The following MYO18A variants were observed in gnomAD, a reference collection of about 807,000 sequenced individuals.
MYO18A encodes the protein myosin XVIIIA.
In MYO18A, 78 loss-of-function variants were observed where a neutral mutation model predicts 235.8. That is an observed-to-expected ratio of 0.33 (90% CI 0.28 to 0.40). The LOEUF (loss-of-function observed/expected upper bound fraction) is 0.40, where lower values mean the gene tolerates loss of function less well. Among genes scored for constraint, MYO18A ranks in the 10% least tolerant of loss-of-function variants. The pLI, the probability that MYO18A is intolerant of heterozygous loss-of-function variation, is 1.00. For synonymous variants in MYO18A, 977 were observed against 1,077.8 expected, an observed-to-expected ratio of 0.91 and a Z score of 1.83; for missense variants, 2,215 against 2,699.3, an observed-to-expected ratio of 0.82 and a Z score of 3.98.
Position 29,128,634 on chromosome 17 carries a change from G to A in MYO18A, c.1000-6381C>T, listed in dbSNP as rs562850110. 21 of 992,464 alleles carry A rather than the reference G, an allele frequency of 2.1e-5. No homozygotes were observed. The East Asian group carries it at 4.0e-4, about 19-fold the overall frequency. The allele number at this position is 992,464 out of a possible 1,614,324, so 61.5% of individuals were successfully genotyped here. A position where few individuals can be genotyped will look rare whatever the true frequency, so the allele number is the denominator to read the frequency against. ...AGGGAATAAGAAGGTGTGACCTCACGCCCTGGAACAGATCTCCCATTCATC... is the reference window on the plus strand; with the variant it reads ...AGGGAATAAGAAGGTGTGACCTCACACCCTGGAACAGATCTCCCATTCATC... On this transcript the variant is annotated intron_variant, in intron 2 of 41. Transcript: ENST00000527372.
At chr17:29,154,138 G>C (rs552734666) in intron 2 of MYO18A, among the ~76,000 whole-genome samples, 1 of 151,686 alleles carries the variant, frequency 6.6e-6, no homozygotes, top group South Asian at 2.1e-4. Context: ...GCGTGCGTGT[G>C]TATGTGGCGC....
Position 29,096,852 on chromosome 17 carries a change from A to G in MYO18A, c.4294T>C (p.Cys1432Arg), listed in dbSNP as rs1226196367. 3 of 1,589,550 alleles carry G rather than the reference A, an allele frequency of 1.9e-6. No homozygotes were observed. The highest frequency in any genetic ancestry group is 1.3e-5 in the African/African-American group (1 of 74,374). Reference sequence around the variant, plus strand: ...TGCAGCTCAGCCGTCAGTCGCTGGCACTTCTTCTTGAGCTGCTGCAGAGCC... The same window carrying G: ...TGCAGCTCAGCCGTCAGTCGCTGGCGCTTCTTCTTGAGCTGCTGCAGAGCC... ...QRALQQLKKKCQRLTAELQDT... is the reference protein window; with the variant it reads ...QRALQQLKKKRQRLTAELQDT... The change falls in exon 28 of 42, where the codon TGC becomes CGC. Residue 1432 changes from cysteine (C) to arginine (R), a missense_variant. Physicochemically the swap from Cys to Arg is radical, Grantham distance 180. Transcript: ENST00000527372.
At position 29,098,978 on chromosome 17, in the gene MYO18A, G is replaced by A. The variant is rs1467604720; in HGVS notation, c.3637-9C>T. ...ATGGCCAGGTCCTGGATCTGCAGGT[G>A]GGGTGGGGGTGGTGCACAGCGGGGC... On this transcript the variant is annotated splice_polypyrimidine_tract_variant and intron_variant, in intron 22 of 41. Transcript: ENST00000527372. The A allele has an allele frequency of 6.2e-7, 1 of 1,612,600 alleles. No homozygotes were observed. Among genetic ancestry groups the A allele is most frequent in the East Asian group, 2.2e-5 (1 of 44,876 alleles).
chr17:29,152,568 G>A (rs1273693346), intron 2 of MYO18A, among the ~76,000 whole-genome samples: 3 of 152,066 alleles, frequency 2.0e-5, no homozygotes, highest in Non-Finnish European at 1.5e-5. Context: ...ATCAGCGTGG[G>A]GACAAGAATA....
At chr17:29,141,455 T>G (rs369669525) in intron 2 of MYO18A, among the ~76,000 whole-genome samples, 38 of 142,756 alleles carry the variant, frequency 2.7e-4, no homozygotes, top group Non-Finnish European at 2.9e-4. Flanking sequence ...AAAAATGGGG[T>G]GGGGGTGGTG....
rs762136557 is a variant in MYO18A at position 29,121,898 on chromosome 17, C to G, written c.1147G>C (p.Asp383His). Residue 383 changes from aspartate (D) to histidine (H), a missense_variant, in exon 4 of 42, where the codon GAC (aspartate) becomes CAC (histidine). Physicochemically the swap from Asp to His is moderately conservative, Grantham distance 81. Coordinates refer to ENST00000527372, the MANE Select transcript of MYO18A (RefSeq NM_078471.4). The surrounding 1 kb of genome is among the most constrained non-coding windows in gnomAD (Gnocchi z 4.2). ...LPEGKVRVKL[D>H]HDGAILDVDE... ...ACATCCAGGATGGCCCCATCGTGGT[C>G]CAGCTTCACACGCACCTTCCCCTCA... 6.2e-7 allele frequency: 1 copy of G among 1,613,942 alleles called. No homozygotes were observed. Among genetic ancestry groups the G allele is most frequent in the Non-Finnish European group, 8.5e-7 (1 of 1,179,856 alleles).
At chr17:29,112,892 G>A (rs1295715717) in intron 15 of MYO18A, among the ~76,000 whole-genome samples, 4 of 152,248 alleles carry the variant, frequency 2.6e-5, no homozygotes, top group South Asian at 2.1e-4. Context: ...GGCAGGAACC[G>A]AGTAGCAGGA....
In MYO18A at chr17:29,120,869, C is replaced by A; in HGVS notation, c.1586-111G>T. On this transcript the variant is annotated intron_variant, in intron 6 of 41. Transcript: ENST00000527372. The surrounding 1 kb of genome is among the most constrained non-coding windows in gnomAD (Gnocchi z 4.2). ...TTGGGGCCATTCAGACCAGAACTGC[C>A]CGTGGACAGAGGGGTTTCGGGGGGA... 6.4e-7 allele frequency: 1 copy of A among 1,563,484 alleles called. No individual in the cohort carries two copies. The highest frequency in any genetic ancestry group is 1.2e-5 in the South Asian group (1 of 83,522).
At position 29,106,806 on chromosome 17, in the gene MYO18A, T is replaced by C. The variant is rs1286539080; in HGVS notation, c.3441+274A>G. On this transcript the variant is annotated intron_variant, in intron 20 of 41. Coordinates refer to ENST00000527372, the MANE Select transcript of MYO18A (RefSeq NM_078471.4). The surrounding 1 kb of genome is among the most constrained non-coding windows in gnomAD (Gnocchi z 4.6). ...GCTCCCAAAGCACTAATAATTCTCA[T>C]GCACCCTCAGTGCGCCCAGGCCCTG... Among the ~76,000 whole-genome samples, 1 of 152,188 alleles carries C rather than the reference T, an allele frequency of 6.6e-6. No individual in the cohort carries two copies. Among genetic ancestry groups the C allele is most frequent in the African/African-American group, 2.4e-5 (1 of 41,450 alleles).
chr17:29,128,556 C>G, intron 2 of MYO18A: 1 of 1,230,260 alleles, frequency 8.1e-7, no homozygotes, highest in Non-Finnish European at 1.0e-6. Flanking sequence ...TACAGTCATA[C>G]AAATACAGGT....
Position 29,126,181 on chromosome 17 carries a change from T to A in MYO18A, c.1000-3928A>T, listed in dbSNP as rs2067316426. Among the ~76,000 whole-genome samples, 1 of 152,172 alleles carries A rather than the reference T, an allele frequency of 6.6e-6. No homozygotes were observed. Among genetic ancestry groups the A allele is most frequent in the Admixed American group, 6.5e-5 (1 of 15,286 alleles). On this transcript the variant is annotated intron_variant, in intron 2 of 41. Transcript: ENST00000527372. This position sits in a 1 kb window ranked among gnomAD's most constrained non-coding sequence, Gnocchi z 4.1. ...GTTATTTCTTCCCACCTGCCTATCT[T>A]GAGCACCAAATGGCCCTATTATCCC...
At chr17:29,174,744 G>A (rs1026052251) in intron 1 of MYO18A, among the ~76,000 whole-genome samples, 1 of 152,072 alleles carries the variant, frequency 6.6e-6, no homozygotes, top group Non-Finnish European at 1.5e-5. Flanking sequence ...TCCAGGAAGC[G>A]GAGGTTGCAG....
chr17:29,078,434 A>G (rs1452178784), intron 41 of MYO18A: 1 of 152,296 alleles, frequency 6.6e-6, no homozygotes, highest in Non-Finnish European at 1.5e-5. Flanking sequence ...AGCAGGGCTG[A>G]GCCATTCCAC....
chr17:29,166,613 C>T lies in MYO18A; in HGVS notation c.328G>A (p.Glu110Lys), dbSNP rs757396407. 6.2e-7 allele frequency: 1 copy of T among 1,613,894 alleles called. No individual in the cohort carries two copies. Among genetic ancestry groups the T allele is most frequent in the Non-Finnish European group, 8.5e-7 (1 of 1,179,868 alleles). The part of the protein sequence containing the change: ...ASSSDDLKGE[E>K]GSFRGSVLQR... ...AGCACCGAGCCACGGAAGCTACCCT[C>T]CTCACCCTTGAGGTCATCGCTGGAG... is the stretch of plus-strand genomic sequence containing the variant. The change falls in exon 2 of 42, where the codon GAG becomes AAG. Residue 110 changes from glutamate to lysine, a missense_variant. By Grantham distance (56) the Glu-to-Lys change is moderately conservative. Coordinates refer to ENST00000527372, the MANE Select transcript of MYO18A (RefSeq NM_078471.4).
chr17:29,165,738 G>C (rs1006148989), intron 2 of MYO18A, among the ~76,000 whole-genome samples: 12 of 152,136 alleles, frequency 7.9e-5, no homozygotes. Flanking sequence ...TGTTTGTAGG[G>C]GTGGCACCCC....
Position 29,074,456 on chromosome 17 carries a change from C to A in MYO18A, c.*314G>T. On this transcript the variant is annotated 3_prime_UTR_variant, in exon 42 of 42. Coordinates refer to ENST00000527372, the MANE Select transcript of MYO18A (RefSeq NM_078471.4). This position sits in a 1 kb window ranked among gnomAD's most constrained non-coding sequence, Gnocchi z 4.4. The stretch of plus-strand genomic sequence containing the variant: ...CTGAGCAGGGAGCTGAGAGGGAGGT[C>A]AACGTGCTGGCTCCATGCAGTGCCA... 1 of 580,126 alleles carries A rather than the reference C, an allele frequency of 1.7e-6. No individual in the cohort carries two copies. The highest frequency in any genetic ancestry group is 3.1e-6 in the Non-Finnish European group (1 of 319,356). The allele number at this position is 580,126 out of a possible 1,614,324, so 35.9% of individuals were successfully genotyped here. A position where few individuals can be genotyped will look rare whatever the true frequency, so the allele number is the denominator to read the frequency against.
At chr17:29,144,145 C>A (rs1038962408) in intron 2 of MYO18A, among the ~76,000 whole-genome samples, 1 of 152,186 alleles carries the variant, frequency 6.6e-6, no homozygotes, top group Admixed American at 6.5e-5. Context: ...GGGCATGGTC[C>A]ATTTCTTTGA....
intron 2 of MYO18A, among the ~76,000 whole-genome samples, chr17:29,135,265 T>A (rs2067569980): frequency 6.6e-6 from 1 of 152,040 alleles, no homozygotes; most frequent in Non-Finnish European, 1.5e-5. Context: ...CATGCCCAGC[T>A]AATTTTTTGT....
chr17:29,096,056 G>A (rs2066511753), intron 28 of MYO18A, among the ~76,000 whole-genome samples: 2 of 152,304 alleles, frequency 1.3e-5, no homozygotes, highest in Middle Eastern at 3.4e-3. Context: ...GAGGCCGGGG[G>A]TAACCCAGGG....
Sources: allele counts gnomAD v4.1 joint callset (sites outside exome capture counted in the v4.1 genomes callset), GRCh38; gene constraint gnomAD v4.1.1; non-coding constraint Gnocchi (gnomAD v3.1); transcripts MANE v1.5; gene names NCBI Gene and HGNC (gene_info 2026-07-23, HGNC 2026-07-21).